MEPCE: variants seen among roughly 807,000 people sequenced by gnomAD.
MEPCE encodes the protein 7SK snRNA methylphosphate capping enzyme.
Under a neutral mutation model 52.3 loss-of-function variants are expected in MEPCE, and 9 were observed. The ratio of observed to expected loss-of-function variants is 0.17; its 90% CI spans 0.10 to 0.30. The LOEUF (loss-of-function observed/expected upper bound fraction) is 0.30, where lower values mean the gene tolerates loss of function less well. Among genes scored for constraint, MEPCE ranks in the 10% least tolerant of loss-of-function variants. The pLI is 1.00. For missense variants in MEPCE, 826 were observed against 933.0 expected (o/e 0.89, Z 1.49); for synonymous variants, 477 against 401.6 (o/e 1.19, Z -2.25).
rs1305750591 is a variant in MEPCE at position 100,430,473 on chromosome 7, G to T, written c.455G>T (p.Ser152Ile). 1.3e-6 allele frequency: 2 copies of T among 1,568,082 alleles called. No individual in the cohort carries two copies. The highest frequency in any genetic ancestry group is 2.2e-5 in the East Asian group (1 of 44,526). The change falls in exon 1 of 4, where the codon AGC becomes ATC. Residue 152 changes from serine to isoleucine, a missense_variant. Ser to Ile is a moderately radical substitution (Grantham distance 142). Transcript: ENST00000310512. The stretch of plus-strand genomic sequence containing the variant: ...GGGGGCGGGGGCAAGAGGAGAAATA[G>T]CTGTAATGTAGGGGGAGGCGGGGGA... ...PGGGGGKRRN[S>I]CNVGGGGGGF...
upstream of MEPCE, chr7:100,429,613 G>A (rs886638857): frequency 2.4e-5 from 4 of 166,424 alleles, no homozygotes; most frequent in Non-Finnish European, 5.1e-5. Context: ...GCTTTTGCGG[G>A]GGCTGTGGGG....
Position 100,430,569 on chromosome 7 carries a change from A to C in MEPCE, c.551A>C (p.Asn184Thr), listed in dbSNP as rs745881376. 7.5e-6 allele frequency: 12 copies of C among 1,601,512 alleles called. No individual in the cohort carries two copies. Among genetic ancestry groups the C allele is most frequent in the East Asian group, 2.2e-5 (1 of 44,700 alleles). The stretch of plus-strand genomic sequence containing the variant: ...GACTGTGACTCTGTGTTACCCTCCA[A>C]CTTCCTCCTGGGGGGCAATATCTTT... ...NSDCDSVLPS[N>T]FLLGGNIFDP... The change falls in exon 1 of 4, where the codon AAC (asparagine) becomes ACC (threonine). Residue 184 changes from asparagine to threonine, a missense_variant. This residue lies in a region of MEPCE where 314 missense variants were observed against 277.7 expected (regional missense o/e 1.13). Transcript: ENST00000310512.
At chr7:100,429,275 A>T (rs555530076), upstream of MEPCE, 1 of 152,332 alleles carries the variant, frequency 6.6e-6, no homozygotes, top group East Asian at 1.9e-4. Flanking sequence ...TAAGGAAGCG[A>T]CGTCACAGGC....
In MEPCE at chr7:100,431,823, C is replaced by T. The variant is rs1040273502; in HGVS notation, c.1671+134C>T. On this transcript the variant is annotated intron_variant, in intron 1 of 3. Coordinates refer to ENST00000310512, the MANE Select transcript of MEPCE (RefSeq NM_019606.6). Reference sequence around the variant, plus strand: ...TTGGCAAGTGAGAGCCTCTGCTGGGCGTCTCTCCCCTCTTATAACCTGGAA... The same window carrying T: ...TTGGCAAGTGAGAGCCTCTGCTGGGTGTCTCTCCCCTCTTATAACCTGGAA... The T allele has an allele frequency of 4.1e-5, 33 of 810,804 alleles. No homozygotes were observed. In the African/African-American group the frequency reaches 5.5e-4, roughly 14 times the overall value. The allele number at this position is 810,804 out of a possible 1,614,324, so 50.2% of individuals were successfully genotyped here. A position where few individuals can be genotyped will look rare whatever the true frequency, so the allele number is the denominator to read the frequency against.
Position 100,430,145 on chromosome 7 carries a change from C to T in MEPCE, c.127C>T (p.Leu43Phe). 1 of 1,287,794 alleles carries T rather than the reference C, an allele frequency of 7.8e-7. No individual in the cohort carries two copies. The highest frequency in any genetic ancestry group is 9.8e-7 in the Non-Finnish European group (1 of 1,019,018). 79.8% of individuals were successfully genotyped at this position (1,287,794 alleles called of 1,614,324 possible). The change falls in exon 1 of 4, where the codon CTC (leucine) becomes TTC (phenylalanine). Residue 43 changes from leucine (L) to phenylalanine (F), a missense_variant. Leu to Phe is a conservative substitution (Grantham distance 22). Transcript: ENST00000310512. The stretch of plus-strand genomic sequence containing the variant: ...GCACCAAGAGGCCGCCTCTGGGGAG[C>T]TCCGCGGCGGGACGGAGCGTGGTCC... The part of the protein sequence containing the change: ...PPHQEAASGE[L>F]RGGTERGPGR...
chr7:100,432,827 C>T (rs1798758996), intron 1 of MEPCE, 92 bp from the exon 2 acceptor site: 1 of 1,157,140 alleles, frequency 8.6e-7, no homozygotes, highest in Non-Finnish European at 1.3e-6. Flanking sequence ...TAAAGTGAGG[C>T]CGCGGGACTG....
chr7:100,433,285 A>G lies in MEPCE; in HGVS notation c.1913A>G (p.Tyr638Cys). 1 of 1,614,158 alleles carries G rather than the reference A, an allele frequency of 6.2e-7. No individual in the cohort carries two copies. The highest frequency in any genetic ancestry group is 8.5e-7 in the Non-Finnish European group (1 of 1,180,026). The change falls in exon 3 of 4, where the codon TAC becomes TGC. Residue 638 changes from tyrosine to cysteine, a missense_variant. By Grantham distance (194) the Tyr-to-Cys change is radical (BLOSUM62 -2). Around this residue, in one of 7 missense-constraint regions of MEPCE, gnomAD observed 82 missense variants for 121.4 expected, o/e 0.68. Coordinates refer to ENST00000310512, the MANE Select transcript of MEPCE (RefSeq NM_019606.6). ...TAGGAAACGATCTACAAGAACTACT[A>G]CCGAATCCAATTGAAGCCAGAGCAG... Reference protein sequence around the residue: ...TLTETIYKNYYRIQLKPEQFS... With the variant: ...TLTETIYKNYCRIQLKPEQFS...
Position 100,434,073 on chromosome 7 carries a change from T to C in MEPCE, c.*519T>C, listed in dbSNP as rs1469820794. 1 of 158,132 alleles carries C rather than the reference T, an allele frequency of 6.3e-6. No individual in the cohort carries two copies. The highest frequency in any genetic ancestry group is 2.4e-5 in the African/African-American group (1 of 41,422). The allele number at this position is 158,132 out of a possible 1,614,324, so 9.8% of individuals were successfully genotyped here. ...GTGGGAGAGGGGGTTGGGTTTTCAA[T>C]GTGAGAACAGCACAATAAACTTGAT... On this transcript the variant is annotated 3_prime_UTR_variant, in exon 4 of 4. Transcript: ENST00000310512.
chr7:100,428,894 T>C (rs1285411626), upstream of MEPCE: 1 of 152,234 alleles, frequency 6.6e-6, no homozygotes. Context: ...AGGCGTGGTG[T>C]GGCGTCTCCA....
Position 100,433,512 on chromosome 7 carries a change from T to C in MEPCE, c.2028T>C (p.Arg676=). The change falls in exon 4 of 4, where the codon CGT becomes CGC. Residue 676 remains arginine, a synonymous_variant. Coordinates refer to ENST00000310512, the MANE Select transcript of MEPCE (RefSeq NM_019606.6). ...TPHNTSKGFQ[R]PVYLFHKARS... is the part of the protein sequence containing the mutation. Reference sequence around the variant, plus strand: ...TCTCTCTCCCCTCAGGCTTCCAGCGTCCTGTGTACCTGTTCCACAAGGCCC... The same window carrying C: ...TCTCTCTCCCCTCAGGCTTCCAGCGCCCTGTGTACCTGTTCCACAAGGCCC... The C allele has an allele frequency of 6.2e-7, 1 of 1,613,928 alleles. No individual in the cohort carries two copies. The highest frequency in any genetic ancestry group is 1.1e-5 in the South Asian group (1 of 91,070).
chr7:100,428,867 TGTTGAGG>T (rs1265523765), upstream of MEPCE: 1 of 151,706 alleles, frequency 6.6e-6, no homozygotes, highest in East Asian at 1.9e-4. Context: ...GGGTCGTGGG[TGTTGAGG>T]CGGAGAGGAA....
Position 100,431,579 on chromosome 7 carries a change from A to G in MEPCE, c.1561A>G (p.Ser521Gly). ...EEGTTTVRKR[S>G]CFPASLTASR... is the part of the protein sequence containing the mutation. ...AGGGACCACCACCGTTCGAAAGAGG[A>G]GCTGCTTCCCAGCCTCGCTGACTGC... Residue 521 changes from serine (S) to glycine (G), a missense_variant, in exon 1 of 4, where the codon AGC becomes GGC. Around this residue, in one of 7 missense-constraint regions of MEPCE, gnomAD observed 107 missense variants for 157.9 expected, o/e 0.68. Coordinates refer to ENST00000310512, the MANE Select transcript of MEPCE (RefSeq NM_019606.6). 4 of 1,612,156 alleles carry G rather than the reference A, an allele frequency of 2.5e-6. No homozygotes were observed. In the Admixed American group the frequency reaches 5.0e-5, roughly 20 times the overall value.
chr7:100,431,946 C>T (rs1217659822), intron 1 of MEPCE, among the ~76,000 whole-genome samples: 2 of 152,160 alleles, frequency 1.3e-5, no homozygotes, highest in African/African-American at 4.8e-5. Context: ...GCTCTGCTCC[C>T]GGCTTGGCCT....
Position 100,431,515 on chromosome 7 carries a change from C to T in MEPCE, c.1497C>T (p.Pro499=), listed in dbSNP as rs753277367. Residue 499 remains proline, a synonymous_variant, in exon 1 of 4, where the codon CCC becomes CCT. Transcript: ENST00000310512. The part of the protein sequence containing the change: ...HYLSEELRLP[P]QTLEGDPGAE... ...TTTCCGAGGAGCTGCGTCTCCCACC[C>T]CAGACTTTGGAAGGGGACCCGGGGG... The T allele has an allele frequency of 2.5e-6, 4 of 1,613,384 alleles. No homozygotes were observed. The highest frequency in any genetic ancestry group is 1.7e-5 in the Admixed American group (1 of 60,026).
chr7:100,430,061 GC>G lies in MEPCE; in HGVS notation c.47del (p.Pro16ArgfsTer140). Reference sequence around the variant, plus strand: ...GGAGAAGGAGCCGTTTCTGGTGCCGGCCCCGCCGCCGCCGCTCAAAGATGAG... The same window carrying G: ...GGAGAAGGAGCCGTTTCTGGTGCCGGCCCGCCGCCGCCGCTCAAAGATGAG... The part of the protein sequence containing the change: ...AAEKEPFLVP[A>X]PPPPLKDESG... On this transcript the variant is annotated frameshift_variant, in exon 1 of 4. Coordinates refer to ENST00000310512, the MANE Select transcript of MEPCE (RefSeq NM_019606.6). LOFTEE classifies it high-confidence loss of function. 2 of 1,266,978 alleles carry G rather than the reference GC, an allele frequency of 1.6e-6. No homozygotes were observed. Among genetic ancestry groups the G allele is most frequent in the Non-Finnish European group, 9.9e-7 (1 of 1,006,484 alleles). The allele number at this position is 1,266,978 out of a possible 1,614,324, so 78.5% of individuals were successfully genotyped here. A position where few individuals can be genotyped will look rare whatever the true frequency, so the allele number is the denominator to read the frequency against.
At chr7:100,432,692 G>A (rs940601141) in intron 1 of MEPCE, among the ~76,000 whole-genome samples, 6 of 152,188 alleles carry the variant, frequency 3.9e-5, no homozygotes, top group Non-Finnish European at 5.9e-5. Context: ...CTCAGGCTCC[G>A]TCGACCTTTT....
intron 1 of MEPCE, 69 bp downstream of exon 1, chr7:100,431,758 G>A: frequency 7.1e-7 from 1 of 1,402,508 alleles, no homozygotes; most frequent in Non-Finnish European, 9.5e-7. Flanking sequence ...GAATGTAGCA[G>A]GGAAGGTTAT....
At chr7:100,429,567 T>C (rs2130990136), upstream of MEPCE, 1 of 154,840 alleles carries the variant, frequency 6.5e-6, no homozygotes, top group East Asian at 1.9e-4. Context: ...CGGACATAGC[T>C]GCGCAGGGAA....
At position 100,431,628 on chromosome 7, in the gene MEPCE, C is replaced by T; in HGVS notation, c.1610C>T (p.Pro537Leu). 1.2e-6 allele frequency: 2 copies of T among 1,607,696 alleles called. No individual in the cohort carries two copies. ...LTASRGPIAA[P>L]QVPLDGADTS... is the part of the protein sequence containing the mutation. ...GCCAGCCGGGGTCCCATCGCTGCCC[C>T]CCAAGTGCCCTTGGATGGAGCGGAC... Residue 537 changes from proline (P) to leucine (L), a missense_variant, in exon 1 of 4, where the codon CCC (proline) becomes CTC (leucine). Pro to Leu is a moderately conservative substitution (Grantham distance 98). Coordinates refer to ENST00000310512, the MANE Select transcript of MEPCE (RefSeq NM_019606.6).
Sources: gnomAD v4.1 joint callset for allele counts (sites outside exome capture counted in the v4.1 genomes callset) on GRCh38, gnomAD v4.1.1 for gene constraint, gnomAD v4.1.1 regional missense constraint, MANE v1.5 for transcripts, NCBI Gene and HGNC (gene_info 2026-07-23, HGNC 2026-07-21) for gene names.